The following C8orf34 variants were observed in gnomAD, a reference collection of about 807,000 sequenced individuals.
C8orf34 encodes the protein uncharacterized protein C8orf34.
A neutral mutation model predicts 68.3 loss-of-function variants in C8orf34; 65 were observed. That is an observed-to-expected ratio of 0.95 (90% confidence interval 0.78 to 1.17). The LOEUF (loss-of-function observed/expected upper bound fraction) is 1.17, where lower values mean the gene tolerates loss of function less well. C8orf34 is among the 50% of genes most tolerant of loss of function. C8orf34 has a pLI of 0.00. For synonymous variants in C8orf34, 244 were observed against 241.2 expected (o/e 1.01, Z -0.11); for missense variants, 664 against 655.4 (o/e 1.01, Z -0.14).
At chr8:68,773,065 A>C (rs1300582865) in intron 10 of C8orf34, among the ~76,000 whole-genome samples, 4 of 152,060 alleles carry the variant, frequency 2.6e-5, no homozygotes, top group Non-Finnish European at 4.4e-5. Flanking sequence ...TGCTAGAATG[A>C]CTTGATATTT....
At chr8:68,384,004 A>G (rs1031344037) in intron 1 of C8orf34, among the ~76,000 whole-genome samples, 7 of 152,212 alleles carry the variant, frequency 4.6e-5, no homozygotes, top group Admixed American at 2.6e-4. Context: ...ACTGTCTGCC[A>G]TTCAGATGTG....
rs188255324 is a variant in C8orf34 at position 68,446,249 on chromosome 8, T to A, written c.476-80T>A. 4.9e-5 allele frequency: 59 copies of A among 1,211,478 alleles called. No homozygotes were observed. In the Admixed American group the frequency reaches 9.2e-4, roughly 19 times the overall value. The allele number at this position is 1,211,478 out of a possible 1,614,324, so 75.0% of individuals were successfully genotyped here. On this transcript the variant is annotated intron_variant, in intron 2 of 13. Coordinates refer to ENST00000518698, the MANE Select transcript of C8orf34 (RefSeq NM_052958.4). ...TGACCTATATGTTTTGTCAAGTATA[T>A]TTAATGACTTCGTGGACTTGGTTTT...
chr8:68,732,811 C>A (rs1253882449), intron 10 of C8orf34, among the ~76,000 whole-genome samples: 3 of 152,086 alleles, frequency 2.0e-5, no homozygotes, highest in Non-Finnish European at 4.4e-5. Context: ...GCGTGTAATC[C>A]CAGCACTTTG....
chr8:68,468,756 T>A lies in C8orf34; in HGVS notation c.672T>A (p.Asp224Glu), dbSNP rs1812254461. ...WRTKPQSRDFDELNHILQESK... is the reference protein window; with the variant it reads ...WRTKPQSRDFEELNHILQESK... ...CTAAACCACAAAGCCGTGATTTTGA[T>A]GAATTGAATCACATCCTTCAGGAGA... The change falls in exon 4 of 14, where the codon GAT becomes GAA. Residue 224 changes from aspartate (D) to glutamate (E), a missense_variant. Physicochemically the swap from Asp to Glu is conservative, Grantham distance 45 (BLOSUM62 2). Coordinates refer to ENST00000518698, the MANE Select transcript of C8orf34 (RefSeq NM_052958.4). 1 of 1,612,754 alleles carries A rather than the reference T, an allele frequency of 6.2e-7. No individual in the cohort carries two copies. Among genetic ancestry groups the A allele is most frequent in the African/African-American group, 1.3e-5 (1 of 74,824 alleles).
At chr8:68,443,304 A>G (rs1309161712) in intron 2 of C8orf34, among the ~76,000 whole-genome samples, 1 of 152,212 alleles carries the variant, frequency 6.6e-6, no homozygotes, top group Non-Finnish European at 1.5e-5. Context: ...TTTGGATACT[A>G]ATGAAACTGA....
intron 10 of C8orf34, among the ~76,000 whole-genome samples, chr8:68,776,085 C>A (rs1823507279): frequency 6.6e-6 from 1 of 152,184 alleles, no homozygotes; most frequent in Non-Finnish European, 1.5e-5. Context: ...TTGATGGGTG[C>A]AGCAAACCAC....
intron 2 of C8orf34, among the ~76,000 whole-genome samples, chr8:68,441,067 G>A (rs1034742144): frequency 1.3e-5 from 2 of 152,150 alleles, no homozygotes; most frequent in Non-Finnish European, 2.9e-5. Flanking sequence ...GCCTCCCAAA[G>A]TGCTGGGATT....
chr8:68,712,061 C>T (rs1467873421), intron 9 of C8orf34, among the ~76,000 whole-genome samples: 5 of 152,054 alleles, frequency 3.3e-5, no homozygotes, highest in African/African-American at 9.7e-5. Flanking sequence ...AATTATTACC[C>T]AAGAATGTTA....
intron 11 of C8orf34, among the ~76,000 whole-genome samples, chr8:68,778,424 G>A (rs748303202): frequency 1.3e-5 from 2 of 151,980 alleles, no homozygotes; most frequent in African/African-American, 4.8e-5. Context: ...CAGATCAAAT[G>A]CTCTTTTTTT....
At chr8:68,774,084 T>C (rs938863851) in intron 10 of C8orf34, among the ~76,000 whole-genome samples, 1 of 152,088 alleles carries the variant, frequency 6.6e-6, no homozygotes. Flanking sequence ...AAGCCTCCCA[T>C]GCTGGCTGCT....
chr8:68,356,988 C>T (rs903793088), intron 1 of C8orf34, among the ~76,000 whole-genome samples: 10 of 151,948 alleles, frequency 6.6e-5, no homozygotes, highest in East Asian at 1.9e-4. Context: ...TATATCTATT[C>T]GTATGAAGTG....
chr8:68,591,929 T>G (rs1363156749), intron 7 of C8orf34, among the ~76,000 whole-genome samples: 2 of 152,188 alleles, frequency 1.3e-5, no homozygotes, highest in African/African-American at 4.8e-5. Context: ...ATATTTTGTT[T>G]GTTCTTAAAT....
chr8:68,701,052 T>C (rs1821002143), intron 8 of C8orf34, among the ~76,000 whole-genome samples: 1 of 152,144 alleles, frequency 6.6e-6, no homozygotes, highest in East Asian at 1.9e-4. Flanking sequence ...CCTGATCTAA[T>C]TGACATTTAT....
intron 10 of C8orf34, among the ~76,000 whole-genome samples, chr8:68,722,656 T>G (rs1821708649): frequency 6.6e-6 from 1 of 152,082 alleles, no homozygotes; most frequent in African/African-American, 2.4e-5. Flanking sequence ...TACAATTTAC[T>G]TATTTGTTTT....
chr8:68,705,910 C>T (rs1303691430), intron 8 of C8orf34, among the ~76,000 whole-genome samples: 4 of 152,160 alleles, frequency 2.6e-5, no homozygotes, highest in African/African-American at 9.7e-5. Context: ...ACACAGGAGA[C>T]AGGGCCTCTT....
rs1190090365 is a variant in C8orf34, at chr8:68,414,916, GT to G, written c.328-24581del. ...CATGTGGCTCTTGAGAAGCTGTGAT[GT>G]TCCTCATGGCATCACTGCCTGAGTT... On this transcript the variant is annotated intron_variant, in intron 1 of 13. Coordinates refer to ENST00000518698, the MANE Select transcript of C8orf34 (RefSeq NM_052958.4). 5.3e-5 allele frequency among the ~76,000 whole-genome samples: 8 copies of G among 152,246 alleles called. No individual in the cohort carries two copies. The East Asian group carries it at 1.4e-3, about 26-fold the overall frequency.
chr8:68,423,610 C>G (rs1460250676), intron 1 of C8orf34, among the ~76,000 whole-genome samples: 1 of 152,140 alleles, frequency 6.6e-6, no homozygotes, highest in African/African-American at 2.4e-5. Context: ...CCAAACTGTT[C>G]CAACCTCTGC....
intron 1 of C8orf34, among the ~76,000 whole-genome samples, chr8:68,397,700 A>G (rs1808776197): frequency 6.6e-6 from 1 of 152,110 alleles, no homozygotes; most frequent in South Asian, 2.1e-4. Flanking sequence ...TTTACGTTTG[A>G]AACAATCTGT....
At chr8:68,690,263 G>A (rs1434713489) in intron 8 of C8orf34, among the ~76,000 whole-genome samples, 1 of 151,774 alleles carries the variant, frequency 6.6e-6, no homozygotes, top group Non-Finnish European at 1.5e-5. Context: ...ACTATTGTAG[G>A]GGAGGCAACA....
Sources: allele counts gnomAD v4.1 joint callset (sites outside exome capture counted in the v4.1 genomes callset), GRCh38; gene constraint gnomAD v4.1.1; transcripts MANE v1.5; gene names NCBI Gene and HGNC (gene_info 2026-07-23, HGNC 2026-07-21).